CNKSR2: variants seen among roughly 807,000 people sequenced by gnomAD.
CNKSR2 encodes connector enhancer of kinase suppressor of Ras 2.
In CNKSR2, 14 loss-of-function variants were observed where a neutral mutation model predicts 84.4. That is an observed-to-expected ratio of 0.17 (90% CI 0.11 to 0.26). CNKSR2 has a LOEUF of 0.26. Ranked by LOEUF, CNKSR2 falls within the 10% of genes least tolerant of loss-of-function variation. CNKSR2 has a pLI of 1.00. For missense variants in CNKSR2, 485 were observed against 771.2 expected, an observed-to-expected ratio of 0.63 and a Z score of 4.40; for synonymous variants, 275 against 277.9, an observed-to-expected ratio of 0.99 and a Z score of 0.10.
chrX:21,467,359 A>G (rs2091141560), intron 4 of CNKSR2, among the ~76,000 whole-genome samples: 1 of 111,389 alleles, frequency 9.0e-6, no homozygotes, highest in Non-Finnish European at 1.9e-5. Flanking sequence ...GAAAATTACT[A>G]TAGTAGCTTA....
At chrX:21,566,697 T>C (rs934125133) in intron 13 of CNKSR2, among the ~76,000 whole-genome samples, 2 of 111,614 alleles carry the variant, frequency 1.8e-5, no homozygotes, top group African/African-American at 6.5e-5. Flanking sequence ...GATAATATCA[T>C]CATTAAATCC....
intron 1 of CNKSR2, among the ~76,000 whole-genome samples, chrX:21,380,167 A>G (rs191929800): frequency 3.6e-5 from 4 of 112,020 alleles, no homozygotes; most frequent in African/African-American, 1.3e-4. Flanking sequence ...ATGCCACATT[A>G]TAAAACTTTA....
chrX:21,418,848 T>G (rs1029471240), intron 1 of CNKSR2, among the ~76,000 whole-genome samples: 24 of 111,138 alleles, frequency 2.2e-4, no homozygotes, highest in Non-Finnish European at 7.5e-5. Flanking sequence ...TTTTAAATTA[T>G]TTCAATCTCT....
intron 20 of CNKSR2, among the ~76,000 whole-genome samples, chrX:21,612,507 C>T (rs1031800598): frequency 8.9e-6 from 1 of 112,174 alleles, no homozygotes; most frequent in African/African-American, 3.2e-5. Flanking sequence ...AGTTTAATGT[C>T]TAGTTCCAAA....
chrX:21,489,644 T>A (rs1378639277), intron 5 of CNKSR2, among the ~76,000 whole-genome samples: 2 of 112,238 alleles, frequency 1.8e-5, no homozygotes, highest in African/African-American at 6.5e-5. Flanking sequence ...ACATTTATTG[T>A]TTCATACAGT....
intron 11 of CNKSR2, among the ~76,000 whole-genome samples, chrX:21,533,156 A>G (rs1005721812): frequency 5.4e-5 from 6 of 110,733 alleles, no homozygotes; most frequent in Non-Finnish European, 1.1e-4. Context: ...AGAATAAATA[A>G]TATATTTTAA....
chrX:21,416,869 AT>A (rs1294089123), intron 1 of CNKSR2, among the ~76,000 whole-genome samples: 38 of 111,301 alleles, frequency 3.4e-4, no homozygotes, highest in African/African-American at 1.2e-3. Flanking sequence ...ACTTTTCAAA[AT>A]GCGAATTTTT....
chrX:21,477,399 CTTTTTTCTCTTTTTT>C (rs2091271117), intron 5 of CNKSR2, among the ~76,000 whole-genome samples: 1 of 110,762 alleles, frequency 9.0e-6, no homozygotes, highest in Admixed American at 9.6e-5. Flanking sequence ...GCTTTCTTCT[CTTTTTTCTCTTTTTT>C]TTTCTCCAAG....
At chrX:21,650,530 C>T (rs2092718443) in intron 21 of CNKSR2, among the ~76,000 whole-genome samples, 1 of 108,421 alleles carries the variant, frequency 9.2e-6, no homozygotes, top group Non-Finnish European at 1.9e-5. Flanking sequence ...ACATATGTAA[C>T]AAACGTGCAC....
At chrX:21,509,305 G>A (rs1235537236) in intron 8 of CNKSR2, among the ~76,000 whole-genome samples, 2 of 111,850 alleles carry the variant, frequency 1.8e-5, no homozygotes, top group African/African-American at 6.5e-5. Flanking sequence ...AGTTCAGGAG[G>A]ATGTGAGATG....
chrX:21,645,515 C>T (rs2092704323), intron 20 of CNKSR2: 1 of 111,735 alleles, frequency 8.9e-6, no homozygotes, highest in South Asian at 3.7e-4. Flanking sequence ...CAGAAGGTTC[C>T]TATATATGTC....
At chrX:21,623,563 C>T (rs2092610833) in intron 20 of CNKSR2, among the ~76,000 whole-genome samples, 1 of 111,680 alleles carries the variant, frequency 9.0e-6, no homozygotes, top group Admixed American at 9.5e-5. Context: ...GATATTTTCA[C>T]ACATAGCCAG....
intron 5 of CNKSR2, among the ~76,000 whole-genome samples, chrX:21,475,149 A>G (rs2091246989): frequency 1.8e-5 from 2 of 112,032 alleles, no homozygotes; most frequent in Non-Finnish European, 3.8e-5. Context: ...TACAGTCAGC[A>G]ATAATTTGTT....
chrX:21,513,618 T>C (rs1372915835), intron 8 of CNKSR2, among the ~76,000 whole-genome samples: 2 of 111,946 alleles, frequency 1.8e-5, no homozygotes, highest in Non-Finnish European at 3.8e-5. Flanking sequence ...GGGAAATTGC[T>C]TGAACCCAGG....
At chrX:21,508,188 A>C (rs1408032927) in intron 8 of CNKSR2, among the ~76,000 whole-genome samples, 1 of 111,395 alleles carries the variant, frequency 9.0e-6, no homozygotes, top group Non-Finnish European at 1.9e-5. Flanking sequence ...AAATTAGCCA[A>C]GTGTCGCAGC....
At chrX:21,553,884 A>G (rs1162811767) in intron 11 of CNKSR2, among the ~76,000 whole-genome samples, 1 of 111,622 alleles carries the variant, frequency 9.0e-6, no homozygotes, top group Non-Finnish European at 1.9e-5. Context: ...ATTTATATCA[A>G]TGCTGAGCAC....
chrX:21,380,294 A>G (rs921635187), intron 1 of CNKSR2, among the ~76,000 whole-genome samples: 1 of 111,800 alleles, frequency 8.9e-6, no homozygotes, highest in Admixed American at 9.5e-5. Flanking sequence ...AATCATTAAC[A>G]TGTTGTTAGA....
At chrX:21,541,754 G>A (rs747309372) in intron 11 of CNKSR2, among the ~76,000 whole-genome samples, 24 of 111,495 alleles carry the variant, frequency 2.2e-4, no homozygotes, top group Admixed American at 1.3e-3. Context: ...TATGAGGTAT[G>A]TACTAATAAA....
chrX:21,451,773 C>T (rs182484101), intron 4 of CNKSR2, among the ~76,000 whole-genome samples: 5 of 107,407 alleles, frequency 4.7e-5, no homozygotes, highest in Non-Finnish European at 9.6e-5. Flanking sequence ...GGGTGCAGCA[C>T]ATCAGCATGG....
Sources: allele counts gnomAD v4.1 joint callset (sites outside exome capture counted in the v4.1 genomes callset), GRCh38; gene constraint gnomAD v4.1.1; transcripts MANE v1.5; gene names NCBI Gene and HGNC (gene_info 2026-07-23, HGNC 2026-07-21).